Variants in IFNGR1 observed in about 807,000 individuals in gnomAD.
IFNGR1 encodes interferon gamma receptor 1, also known as AVP, type 2.
In IFNGR1, 23 loss-of-function variants were observed where a neutral mutation model predicts 35.4. That is an observed-to-expected ratio of 0.65 (90% confidence interval 0.47 to 0.92). The LOEUF is 0.92. Among genes scored for constraint, IFNGR1 ranks in the 40% least tolerant of loss-of-function variants. The pLI, the probability that IFNGR1 is intolerant of heterozygous loss-of-function variation, is 0.00. For missense variants in IFNGR1, 533 were observed against 583.4 expected (o/e 0.91, Z 0.89); for synonymous variants, 199 against 209.5 (o/e 0.95, Z 0.43).
At chr6:137,199,520 T>TATAA (rs1482773815) in intron 6 of IFNGR1, among the ~76,000 whole-genome samples, 1 of 97,938 alleles carries the variant, frequency 1.0e-5, no homozygotes, top group South Asian at 3.1e-4. Flanking sequence ...TTATAATATA[T>TATAA]TATATATAAT....
At chr6:137,201,097 T>C (rs1269414898) in intron 5 of IFNGR1, 89 bp from the exon 6 acceptor site, 1 of 1,390,710 alleles carries the variant, frequency 7.2e-7, no homozygotes, top group African/African-American at 1.4e-5. Flanking sequence ...TTGAATAGAT[T>C]TACAAATTAG....
chr6:137,209,153 A>G (rs932818902), intron 1 of IFNGR1, among the ~76,000 whole-genome samples: 1 of 152,164 alleles, frequency 6.6e-6, no homozygotes, highest in Middle Eastern at 3.2e-3. Context: ...TATTTACCCA[A>G]TACCTGTACC....
At chr6:137,203,420 A>G (rs946888163) in intron 5 of IFNGR1, 79 bp downstream of exon 5, 6 of 795,368 alleles carry the variant, frequency 7.5e-6, no homozygotes, top group African/African-American at 6.8e-5. Context: ...TGAAACTGCA[A>G]ATGAGTTTGC....
At chr6:137,209,282 G>C (rs568393283) in intron 1 of IFNGR1, among the ~76,000 whole-genome samples, 2 of 152,306 alleles carry the variant, frequency 1.3e-5, no homozygotes, top group East Asian at 3.9e-4. Flanking sequence ...ATGCTGAAAT[G>C]AGTTAAGACT....
Position 137,198,658 on chromosome 6 carries a change from A to T in IFNGR1, c.862-19T>A. 6.3e-7 allele frequency: 1 copy of T among 1,595,246 alleles called. No individual in the cohort carries two copies. Among genetic ancestry groups the T allele is most frequent in the South Asian group, 1.1e-5 (1 of 90,690 alleles). Reference sequence around the variant, plus strand: ...CAGAGATCTATGGGGAGAAAAATTGATTAAAGATAAAAAATTGTTAAGCTT... The same window carrying T: ...CAGAGATCTATGGGGAGAAAAATTGTTTAAAGATAAAAAATTGTTAAGCTT... On this transcript the variant is annotated intron_variant, in intron 6 of 6. Coordinates refer to ENST00000367739, the MANE Select transcript of IFNGR1 (RefSeq NM_000416.3).
intron 3 of IFNGR1, among the ~76,000 whole-genome samples, chr6:137,205,179 G>A (rs1779401312): frequency 6.6e-6 from 1 of 152,152 alleles, no homozygotes; most frequent in Non-Finnish European, 1.5e-5. Flanking sequence ...CAAAATTGTG[G>A]ACTCTGGGGA....
In IFNGR1 at chr6:137,198,586, T is replaced by C. The variant is rs1282939248; in HGVS notation, c.915A>G (p.Val305=). The C allele has an allele frequency of 6.2e-7, 1 of 1,613,934 alleles. No individual in the cohort carries two copies. Among genetic ancestry groups the C allele is most frequent in the Admixed American group, 1.7e-5 (1 of 59,984 alleles). ...TLETKPESKY[V]SLITSYQPFS... is the part of the protein sequence containing the mutation. ...ATGGCTGGTATGACGTGATGAGTGA[T>C]ACATATTTTGATTCAGGTTTTGTCT... Residue 305 remains valine, a synonymous_variant, in exon 7 of 7, where the codon GTA becomes GTG. Coordinates refer to ENST00000367739, the MANE Select transcript of IFNGR1 (RefSeq NM_000416.3).
At chr6:137,212,006 G>C (rs1327110370) in intron 1 of IFNGR1, among the ~76,000 whole-genome samples, 3 of 152,010 alleles carry the variant, frequency 2.0e-5, no homozygotes, top group Non-Finnish European at 4.4e-5. Flanking sequence ...AGGTGGTCCT[G>C]GTTTCTTTTT....
rs2114473529 is a variant in IFNGR1, at chr6:137,203,535, C to A, written c.697G>T (p.Glu233Ter). ...VWGVTTEKSKEVCITIFNSSI... is the reference protein window; with the variant it reads ...VWGVTTEKSK ...CTATTGAAAATGGTAATACAAACTTCTTTTGACTTTTCAGTTGTAACACCC... is the reference window on the plus strand; with the variant it reads ...CTATTGAAAATGGTAATACAAACTTATTTTGACTTTTCAGTTGTAACACCC... Residue 233 changes from glutamate (E) to a stop codon, truncating the protein, a stop_gained, in exon 5 of 7, where the codon GAA becomes TAA. Transcript: ENST00000367739. LOFTEE classifies it high-confidence loss of function. 1.2e-6 allele frequency: 2 copies of A among 1,612,044 alleles called. No homozygotes were observed. Among genetic ancestry groups the A allele is most frequent in the Non-Finnish European group, 1.7e-6 (2 of 1,178,170 alleles).
intron 1 of IFNGR1, among the ~76,000 whole-genome samples, chr6:137,214,398 GCATCCCC>G (rs1223638634): frequency 1.3e-5 from 2 of 152,172 alleles, no homozygotes; most frequent in Non-Finnish European, 2.9e-5. Context: ...GCAAGGAGCC[GCATCCCC>G]CAGGTTTAAG....
At chr6:137,206,404 A>T in intron 2 of IFNGR1, 96 bp from the exon 3 acceptor site, 1 of 887,026 alleles carries the variant, frequency 1.1e-6, no homozygotes. Flanking sequence ...CACAGCACAA[A>T]GCGGTAGAAA....
chr6:137,207,113 A>T, intron 1 of IFNGR1, 36 bp from the exon 2 acceptor site: 1 of 1,611,020 alleles, frequency 6.2e-7, no homozygotes, highest in Non-Finnish European at 8.5e-7. Context: ...GGACAATTGT[A>T]AGAAACTAAC....
Position 137,199,097 on chromosome 6 carries a change from C to A in IFNGR1, c.862-458G>T, listed in dbSNP as rs554301975. Among the ~76,000 whole-genome samples the A allele has an allele frequency of 3.3e-5, 5 of 151,780 alleles. No homozygotes were observed. In the South Asian group the frequency reaches 8.3e-4, roughly 25 times the overall value. On this transcript the variant is annotated intron_variant, in intron 6 of 6. Transcript: ENST00000367739. ...AATGTGAAAAGAGAGACTGGCCTAG[C>A]CTCCCAGCCTACATCTTTCTCCCAT...
intron 1 of IFNGR1, chr6:137,215,145 T>A: frequency 2.4e-6 from 3 of 1,225,224 alleles, no homozygotes; most frequent in Non-Finnish European, 3.4e-6. Flanking sequence ...ATTTTACCAA[T>A]GAGAAAACAA....
In IFNGR1 at chr6:137,198,526, C is replaced by T. The variant is rs376124136; in HGVS notation, c.975G>A (p.Pro325=). Residue 325 remains proline, a synonymous_variant, in exon 7 of 7, where the codon CCG becomes CCA. Transcript: ENST00000367739. ...SLEKEVVCEE[P]LSPATVPGMH... ...TGCCTGGAACTGTTGCTGGAGACAA[C>T]GGCTCTTCACAGACCACCTCCTTTT... 15 of 1,613,844 alleles carry T rather than the reference C, an allele frequency of 9.3e-6. No individual in the cohort carries two copies. Among genetic ancestry groups the T allele is most frequent in the African/African-American group, 4.0e-5 (3 of 74,898 alleles).
chr6:137,200,811 T>C (rs1779259487), intron 6 of IFNGR1, 70 bp downstream of exon 6: 1 of 1,276,040 alleles, frequency 7.8e-7, no homozygotes, highest in South Asian at 1.4e-5. Context: ...TTTAAAAACA[T>C]AATTTAAGAA....
Position 137,200,992 on chromosome 6 carries a change from T to C in IFNGR1, c.750A>G (p.Pro250=). 9.3e-6 allele frequency: 15 copies of C among 1,613,424 alleles called. No individual in the cohort carries two copies. The highest frequency in any genetic ancestry group is 1.3e-5 in the Non-Finnish European group (15 of 1,179,556). Residue 250 remains proline (P), a synonymous_variant, in exon 6 of 7, where the codon CCA becomes CCG. Transcript: ENST00000367739. Reference sequence around the variant, plus strand: ...GAAAGAGTAGTAAAGCAGCAACAACTGGAATCCAAAGAGAACCTTAAAAAA... The same window carrying C: ...GAAAGAGTAGTAAAGCAGCAACAACCGGAATCCAAAGAGAACCTTAAAAAA... ...NSSIKGSLWI[P]VVAALLLFLV... is the part of the protein sequence containing the mutation.
chr6:137,218,571 T>G, intron 1 of IFNGR1: 1 of 1,167,076 alleles, frequency 8.6e-7, no homozygotes, highest in Non-Finnish European at 1.1e-6. Flanking sequence ...CATACTTTCC[T>G]ACCCTAAGCA....
At chr6:137,198,872 G>A (rs1779168364) in intron 6 of IFNGR1, among the ~76,000 whole-genome samples, 1 of 152,224 alleles carries the variant, frequency 6.6e-6, no homozygotes, top group South Asian at 2.1e-4. Flanking sequence ...CTTTTTGTAC[G>A]TTACTGTGAT....
Sources: allele counts gnomAD v4.1 joint callset (sites outside exome capture counted in the v4.1 genomes callset), GRCh38; gene constraint gnomAD v4.1.1; transcripts MANE v1.5; gene names NCBI Gene and HGNC (gene_info 2026-07-23, HGNC 2026-07-21).